Variants in PCDHA2 observed in about 807,000 individuals in gnomAD.
The protein encoded by PCDHA2 is protocadherin alpha 2, also known as protocadherin alpha-2.
A neutral mutation model predicts 66.0 loss-of-function variants in PCDHA2; 58 were observed. The ratio of observed to expected loss-of-function variants is 0.88; its 90% CI spans 0.71 to 1.09. The LOEUF is 1.09. Among genes scored for constraint, PCDHA2 ranks in the 50% least tolerant of loss-of-function variants. PCDHA2 has a pLI of 0.00. For missense variants in PCDHA2, 1,267 were observed against 1,242.3 expected (o/e 1.02, Z -0.30); for synonymous variants, 634 against 554.0 (o/e 1.14, Z -2.03).
In PCDHA2 at chr5:140,796,422, G is replaced by A. The variant is rs1554119892; in HGVS notation, c.1458G>A (p.Glu486=). The A allele has an allele frequency of 1.9e-6, 3 of 1,613,842 alleles. No homozygotes were observed. Among genetic ancestry groups the A allele is most frequent in the Non-Finnish European group, 2.5e-6 (3 of 1,179,972 alleles). ...CAGCGTGGGATGCGGACGCGCAGGA[G>A]AACGCGCTGGTGTCCTACTCGCTGG... ...TVSAWDADAQ[E]NALVSYSLVE... The change falls in exon 1 of 4, where the codon GAG becomes GAA. Residue 486 remains glutamate (E), a synonymous_variant. Transcript: ENST00000526136.
At chr5:140,892,819 A>G (rs551280418) in intron 1 of PCDHA2, among the ~76,000 whole-genome samples, 2 of 152,304 alleles carry the variant, frequency 1.3e-5, no homozygotes, top group South Asian at 4.1e-4. Context: ...TTTATCCTAC[A>G]GTGCTACAGT....
At chr5:140,938,204 C>T (rs2091973590) in intron 1 of PCDHA2, among the ~76,000 whole-genome samples, 1 of 152,136 alleles carries the variant, frequency 6.6e-6, no homozygotes, top group East Asian at 1.9e-4. Flanking sequence ...CGCCAGCCTC[C>T]CAAAGTGCTG....
intron 1 of PCDHA2, chr5:140,876,086 C>T (rs371336139): frequency 2.5e-6 from 4 of 1,613,778 alleles, no homozygotes; most frequent in East Asian, 2.2e-5. Flanking sequence ...AGAGAGCAAA[C>T]GCCAAAACTC....
At chr5:140,841,512 T>C in intron 1 of PCDHA2, 1 of 1,613,424 alleles carries the variant, frequency 6.2e-7, no homozygotes, top group East Asian at 2.2e-5. Flanking sequence ...CCGCGCCTGT[T>C]CCGGGTGGCG....
chr5:140,928,286 G>A (rs140714840), intron 1 of PCDHA2: 12 of 1,614,014 alleles, frequency 7.4e-6, no homozygotes, highest in Non-Finnish European at 9.3e-6. Flanking sequence ...GCCTCTCTAG[G>A]CCGAGTGTTT....
intron 1 of PCDHA2, chr5:140,968,323 C>T (rs1554230616): frequency 1.2e-6 from 2 of 1,614,114 alleles, no homozygotes; most frequent in East Asian, 2.2e-5. Flanking sequence ...TGCCAGTCAC[C>T]TCCTATGTCT....
At chr5:140,972,275 G>A (rs548735122) in intron 1 of PCDHA2, among the ~76,000 whole-genome samples, 1 of 150,974 alleles carries the variant, frequency 6.6e-6, no homozygotes, top group African/African-American at 2.4e-5. Flanking sequence ...GAGTAGCTTG[G>A]ACCATAGATG....
intron 1 of PCDHA2, chr5:140,823,959 G>A (rs2150130810): frequency 1.1e-4 from 177 of 1,613,954 alleles, no homozygotes; most frequent in Non-Finnish European, 1.4e-4. Flanking sequence ...AGCCCACCGA[G>A]GCCGTGTGCA....
intron 1 of PCDHA2, among the ~76,000 whole-genome samples, chr5:140,878,853 A>G (rs565644052): frequency 1.3e-5 from 2 of 152,352 alleles, no homozygotes; most frequent in East Asian, 3.9e-4. Context: ...TCTGGGTTCA[A>G]CTGATCCTCC....
In PCDHA2 at chr5:140,846,436, G is replaced by T. The variant is rs191314082; in HGVS notation, c.2388+49084G>T. ...ATCTCCCAGGCTGGAATGCAGTGGCGCAATCTCGGCTCACTGCAACCTCTG... is the reference window on the plus strand; with the variant it reads ...ATCTCCCAGGCTGGAATGCAGTGGCTCAATCTCGGCTCACTGCAACCTCTG... On this transcript the variant is annotated intron_variant, in intron 1 of 3. Transcript: ENST00000526136. 7.4e-4 allele frequency among the ~76,000 whole-genome samples: 97 copies of T among 131,384 alleles called. 7 individuals carry two copies. The highest frequency in any genetic ancestry group is 2.7e-3 in the Admixed American group (32 of 11,706). The allele number at this position is 131,384 out of a possible 152,430, so 86.2% of individuals were successfully genotyped here.
At chr5:140,920,023 C>T (rs1554199365) in intron 1 of PCDHA2, among the ~76,000 whole-genome samples, 1 of 152,096 alleles carries the variant, frequency 6.6e-6, no homozygotes, top group Non-Finnish European at 1.5e-5. Flanking sequence ...AAGATGGAGA[C>T]AGAGATTGGA....
At chr5:140,823,752 A>G (rs1767861225) in intron 1 of PCDHA2, 4 of 1,613,706 alleles carry the variant, frequency 2.5e-6, no homozygotes. Context: ...CCCCGCTGAC[A>G]GCCACAGCCA....
intron 1 of PCDHA2, among the ~76,000 whole-genome samples, chr5:140,885,916 T>C (rs2060771663): frequency 1.3e-5 from 2 of 152,202 alleles, no homozygotes; most frequent in Admixed American, 1.3e-4. Flanking sequence ...CTTATAGATA[T>C]TAACTGTTTA....
In PCDHA2 at chr5:140,835,884, G is replaced by A. The variant is rs2150247452; in HGVS notation, c.2388+38532G>A. 3.7e-6 allele frequency: 6 copies of A among 1,611,966 alleles called. 1 individual carries two copies. The highest frequency in any genetic ancestry group is 2.2e-5 in the East Asian group (1 of 44,824). ...CTCGCTGGTGGAGCTGCGGGTGGGCGAGCGCGCGCTGTCGAGCTACGTGTC... is the reference window on the plus strand; with the variant it reads ...CTCGCTGGTGGAGCTGCGGGTGGGCAAGCGCGCGCTGTCGAGCTACGTGTC... On this transcript the variant is annotated intron_variant, in intron 1 of 3. Coordinates refer to ENST00000526136, the MANE Select transcript of PCDHA2 (RefSeq NM_018905.3).
rs2098416660 is a variant in PCDHA2, at chr5:141,010,249, T to C, written c.*312T>C. ...GCCCCGCCAGTGAGAGGTTGGACTC[T>C]CTGCCCTGTGCTCCGGGGATCCTGT... On this transcript the variant is annotated 3_prime_UTR_variant, in exon 4 of 4. Coordinates refer to ENST00000526136, the MANE Select transcript of PCDHA2 (RefSeq NM_018905.3). 2 of 1,551,772 alleles carry C rather than the reference T, an allele frequency of 1.3e-6. No homozygotes were observed. Among genetic ancestry groups the C allele is most frequent in the Non-Finnish European group, 1.7e-6 (2 of 1,147,036 alleles).
At chr5:140,873,403 GT>G (rs2054272319) in intron 1 of PCDHA2, among the ~76,000 whole-genome samples, 1 of 152,046 alleles carries the variant, frequency 6.6e-6, no homozygotes, top group South Asian at 2.1e-4. Flanking sequence ...TTCAGTACAG[GT>G]TAAAATTTTG....
chr5:140,856,905 C>T, intron 1 of PCDHA2: 1 of 1,595,990 alleles, frequency 6.3e-7, no homozygotes. Context: ...TTGGTCCCAC[C>T]CACGATAAGA....
At chr5:140,804,896 A>T in intron 1 of PCDHA2, 4 of 723,606 alleles carry the variant, frequency 5.5e-6, no homozygotes, top group Non-Finnish European at 6.2e-6. Flanking sequence ...CCTTCCCCTC[A>T]CTTCCATTTT....
intron 1 of PCDHA2, chr5:140,869,676 A>G (rs1264007224): frequency 6.2e-7 from 1 of 1,613,486 alleles, no homozygotes; most frequent in African/African-American, 1.3e-5. Flanking sequence ...AGATTAAAAG[A>G]CTGTCACTTA....
Sources: gnomAD v4.1 joint callset for allele counts (sites outside exome capture counted in the v4.1 genomes callset) on GRCh38, gnomAD v4.1.1 for gene constraint, MANE v1.5 for transcripts, NCBI Gene and HGNC (gene_info 2026-07-23, HGNC 2026-07-21) for gene names.